The following LOC128092253 variants were observed in gnomAD, a reference collection of about 807,000 sequenced individuals.
At chr6:133,956,581 C>T in the LOC128092253 span, among the ~76,000 whole-genome samples, 1 of 152,120 alleles carries the variant, frequency 6.6e-6, no homozygotes, top group Non-Finnish European at 1.5e-5. Flanking sequence ...TATTGTATGT[C>T]CCTGCCCTGT....
chr6:133,956,277 G>A, the LOC128092253 span, among the ~76,000 whole-genome samples: 10 of 152,202 alleles, frequency 6.6e-5, no homozygotes, highest in East Asian at 1.9e-4. Flanking sequence ...TGTGACATTC[G>A]AACTAATAAA....
the LOC128092253 span, chr6:133,980,026 G>T: frequency 8.1e-7 from 1 of 1,236,888 alleles, no homozygotes; most frequent in East Asian, 2.8e-5. Flanking sequence ...TCAAAATTGT[G>T]AAAAGTGAAT....
At chr6:133,976,967 C>CAAAAAAAAAAAAAAAGAAAAA in the LOC128092253 span, among the ~76,000 whole-genome samples, 1 of 62,174 alleles carries the variant, frequency 1.6e-5, no homozygotes. Flanking sequence ...GACTTGGTCT[C>CAAAAAAAAAAAAAAAGAAAAA]AAAAAAAAAA....
At chr6:133,971,866 CCTGTT>C in the LOC128092253 span, among the ~76,000 whole-genome samples, 3 of 152,000 alleles carry the variant, frequency 2.0e-5, no homozygotes, top group Admixed American at 6.6e-5. Flanking sequence ...CATATTTTCT[CCTGTT>C]CTGTGGGTTG....
At chr6:133,967,274 A>G in the LOC128092253 span, among the ~76,000 whole-genome samples, 6 of 152,242 alleles carry the variant, frequency 3.9e-5, no homozygotes, top group Non-Finnish European at 8.8e-5. Context: ...CTGTAGAACA[A>G]GTGGGAGTGG....
chr6:133,961,826 T>C, the LOC128092253 span, among the ~76,000 whole-genome samples: 3 of 152,316 alleles, frequency 2.0e-5, no homozygotes, highest in African/African-American at 7.2e-5. Context: ...GCTCCTGAAG[T>C]TTCTCTTTCA....
chr6:133,975,869 A>G, the LOC128092253 span, among the ~76,000 whole-genome samples: 3 of 152,182 alleles, frequency 2.0e-5, no homozygotes, highest in African/African-American at 7.2e-5. Flanking sequence ...AAGCTGAATG[A>G]TAGGTACGTA....
At chr6:133,959,986 C>G in the LOC128092253 span, among the ~76,000 whole-genome samples, 1 of 152,138 alleles carries the variant, frequency 6.6e-6, no homozygotes, top group African/African-American at 2.4e-5. Flanking sequence ...CAAGAACCAC[C>G]CCATCCTTTT....
the LOC128092253 span, among the ~76,000 whole-genome samples, chr6:133,957,137 T>C: frequency 6.6e-6 from 1 of 152,296 alleles, no homozygotes; most frequent in East Asian, 1.9e-4. Flanking sequence ...TTTTGTGGGT[T>C]GAAGCATGCT....
chr6:133,966,181 G>T, the LOC128092253 span, among the ~76,000 whole-genome samples: 1,131 of 152,232 alleles, frequency 7.4e-3, 12 homozygotes, highest in Middle Eastern at 0.014. Flanking sequence ...GTTAAACTCT[G>T]CAGACATTTT....
the LOC128092253 span, among the ~76,000 whole-genome samples, chr6:133,962,801 T>A: frequency 1.3e-5 from 2 of 152,188 alleles, no homozygotes; most frequent in African/African-American, 4.8e-5. Flanking sequence ...AGGTACAGAT[T>A]AGTGTGTATA....
chr6:133,970,192 G>A, the LOC128092253 span, among the ~76,000 whole-genome samples: 2 of 152,146 alleles, frequency 1.3e-5, no homozygotes, highest in African/African-American at 4.8e-5. Flanking sequence ...ATTCAGTTGA[G>A]AACAACTACT....
the LOC128092253 span, among the ~76,000 whole-genome samples, chr6:133,972,894 G>T: frequency 2.0e-5 from 3 of 152,084 alleles, no homozygotes; most frequent in Non-Finnish European, 4.4e-5. Flanking sequence ...GGTACAGGTG[G>T]TATTATCACC....
chr6:133,958,198 C>T, the LOC128092253 span, among the ~76,000 whole-genome samples: 178 of 152,296 alleles, frequency 1.2e-3, no homozygotes, highest in African/African-American at 4.2e-3. Context: ...GTGGACTTGA[C>T]TTGTTTAGCT....
chr6:133,959,523 C>T, the LOC128092253 span, among the ~76,000 whole-genome samples: 1 of 151,934 alleles, frequency 6.6e-6, no homozygotes, highest in Non-Finnish European at 1.5e-5. Context: ...ACTCTGTCGC[C>T]CAGGCTGGAG....
chr6:133,977,451 T>C, the LOC128092253 span, among the ~76,000 whole-genome samples: 11 of 152,328 alleles, frequency 7.2e-5, no homozygotes, highest in East Asian at 7.7e-4. Flanking sequence ...GTTTTACTTA[T>C]ATTGTCCTTA....
At chr6:133,958,610 G>A in the LOC128092253 span, among the ~76,000 whole-genome samples, 2 of 152,160 alleles carry the variant, frequency 1.3e-5, no homozygotes, top group Admixed American at 6.5e-5. Flanking sequence ...AAGTCCAAAT[G>A]TTTTAGTTTA....
At chr6:133,977,644 G>T in the LOC128092253 span, among the ~76,000 whole-genome samples, 5 of 152,224 alleles carry the variant, frequency 3.3e-5, no homozygotes, top group African/African-American at 7.2e-5. Context: ...TTATCCTCAA[G>T]GGATGTGCAA....
chr6:133,967,882 C>T, the LOC128092253 span, among the ~76,000 whole-genome samples: 1 of 152,140 alleles, frequency 6.6e-6, no homozygotes, highest in Non-Finnish European at 1.5e-5. Context: ...CTAGGTAAGA[C>T]AGCATGTGCG....
Sources: gnomAD v4.1 joint callset for allele counts (sites outside exome capture counted in the v4.1 genomes callset) on GRCh38, gnomAD v4.1.1 for gene constraint, MANE v1.5 for transcripts.